The following LRP1B variants were observed in gnomAD, a reference collection of about 807,000 sequenced individuals.
The protein encoded by LRP1B is LDL receptor related protein 1B.
LRP1B carries 217 observed loss-of-function variants against 556.6 expected under a neutral mutation model. The ratio of observed to expected loss-of-function variants is 0.39; its 90% CI spans 0.35 to 0.44. LRP1B has a LOEUF of 0.44. LRP1B is among the 20% of genes least tolerant of loss of function. The pLI, the probability that LRP1B is intolerant of heterozygous loss-of-function variation, is 1.00. For synonymous variants in LRP1B, 2,047 were observed against 1,865.8 expected, an observed-to-expected ratio of 1.10 and a Z score of -2.50; for missense variants, 5,053 against 5,620.8, an observed-to-expected ratio of 0.90 and a Z score of 3.23.
intron 59 of LRP1B, among the ~76,000 whole-genome samples, chr2:140,478,144 C>CTTTTTTTTTTTTTTTT (rs35948232): frequency 1.6e-5 from 1 of 62,780 alleles, no homozygotes; most frequent in African/African-American, 5.7e-5. Context: ...TATAACTTAA[C>CTTTTTTTTTTTTTTTT]TTTTTTTTTT....
At chr2:141,091,275 T>A (rs1700165101) in intron 7 of LRP1B, among the ~76,000 whole-genome samples, 1 of 152,098 alleles carries the variant, frequency 6.6e-6, no homozygotes, top group Non-Finnish European at 1.5e-5. Flanking sequence ...AGGTTTTGAG[T>A]AGAGAAGTGA....
intron 63 of LRP1B, among the ~76,000 whole-genome samples, chr2:140,449,467 A>G (rs78527398): frequency 0.015 from 2,343 of 152,254 alleles, 28 homozygotes; most frequent in Middle Eastern, 0.065. Flanking sequence ...GTTGTCTATC[A>G]TAGTAAAAAA....
At chr2:141,333,172 T>G (rs569941940) in intron 3 of LRP1B, among the ~76,000 whole-genome samples, 1 of 152,270 alleles carries the variant, frequency 6.6e-6, no homozygotes, top group African/African-American at 2.4e-5. Context: ...CACAAATGAC[T>G]TTAAGAGCAG....
chr2:141,324,734 CTGTA>C (rs1687374707), intron 3 of LRP1B, among the ~76,000 whole-genome samples: 1 of 152,016 alleles, frequency 6.6e-6, no homozygotes, highest in African/African-American at 2.4e-5. Flanking sequence ...TTAAGAAAGT[CTGTA>C]TAAGGAAATC....
chr2:141,417,944 CATT>C (rs1190541244), intron 3 of LRP1B, among the ~76,000 whole-genome samples: 1 of 151,982 alleles, frequency 6.6e-6, no homozygotes, highest in Non-Finnish European at 1.5e-5. Context: ...GGTAATACAT[CATT>C]GTGGTTTTGA....
intron 9 of LRP1B, 141 bp from the exon 10 acceptor site, chr2:141,055,400 A>G (rs919016075): frequency 1.5e-5 from 11 of 721,818 alleles, no homozygotes; most frequent in Admixed American, 9.6e-5. Flanking sequence ...TAGCACCATA[A>G]TCGAATGCAA....
chr2:140,294,912 C>T (rs1447643165), intron 84 of LRP1B, among the ~76,000 whole-genome samples: 1 of 152,054 alleles, frequency 6.6e-6, no homozygotes, highest in Admixed American at 6.5e-5. Flanking sequence ...GAGTCTTGGT[C>T]TGTCGCCAGG....
intron 7 of LRP1B, among the ~76,000 whole-genome samples, chr2:141,122,182 T>C (rs139530422): frequency 1.9e-3 from 290 of 152,224 alleles, no homozygotes; most frequent in African/African-American, 6.7e-3. Context: ...ATTCAGGACA[T>C]AGGCATGGGC....
At chr2:140,702,371 G>A (rs963272321) in intron 38 of LRP1B, 56 bp downstream of exon 38, 1 of 1,607,180 alleles carries the variant, frequency 6.2e-7, no homozygotes, top group Non-Finnish European at 8.5e-7. Flanking sequence ...CTAAAAGTAG[G>A]TAAATTAAAG....
At position 140,260,536 on chromosome 2, in the gene LRP1B, C is replaced by T. The variant is rs77324282; in HGVS notation, c.13247+9706G>A. On this transcript the variant is annotated intron_variant, in intron 86 of 90. Transcript: ENST00000389484. ...GTGTATATATTAATATATGTATATG[C>T]GTGCATATATACCTTTTATAAGATT... Among the ~76,000 whole-genome samples, 1,498 of 151,582 alleles carry T rather than the reference C, an allele frequency of 9.9e-3. 63 individuals carry two copies. The East Asian group carries it at 0.13, about 14-fold the overall frequency.
intron 4 of LRP1B, among the ~76,000 whole-genome samples, chr2:141,251,476 G>A (rs983047271): frequency 6.6e-6 from 1 of 152,092 alleles, no homozygotes; most frequent in East Asian, 1.9e-4. Flanking sequence ...GATATTTGTT[G>A]TGAGTATTTC....
chr2:141,431,235 A>AATTC (rs113275633), intron 3 of LRP1B, among the ~76,000 whole-genome samples: 1 of 151,602 alleles, frequency 6.6e-6, no homozygotes, highest in Non-Finnish European at 1.5e-5. Context: ...GTTCAAGAGA[A>AATTC]AGTCAGAGAG....
intron 49 of LRP1B, among the ~76,000 whole-genome samples, chr2:140,518,865 G>T (rs13406810): frequency 2.0e-5 from 3 of 152,146 alleles, no homozygotes; most frequent in Admixed American, 6.6e-5. Context: ...ATACAATCAC[G>T]TCATCTGCAA....
intron 84 of LRP1B, among the ~76,000 whole-genome samples, chr2:140,277,242 A>G (rs1438814175): frequency 2.0e-5 from 3 of 152,136 alleles, no homozygotes; most frequent in East Asian, 3.9e-4. Flanking sequence ...ACTTATCTGC[A>G]GTATGCTAAT....
At chr2:141,363,596 G>T (rs1177544779) in intron 3 of LRP1B, among the ~76,000 whole-genome samples, 1 of 151,942 alleles carries the variant, frequency 6.6e-6, no homozygotes, top group Non-Finnish European at 1.5e-5. Flanking sequence ...TATTCAAAAG[G>T]AAATATCATT....
chr2:140,312,733 G>A (rs972266765), intron 83 of LRP1B, among the ~76,000 whole-genome samples: 14 of 151,668 alleles, frequency 9.2e-5, no homozygotes, highest in Non-Finnish European at 1.9e-4. Context: ...TTCATTTTTA[G>A]TATCTTTTTG....
At chr2:140,481,610 T>TTATC (rs1688248781) in intron 59 of LRP1B, among the ~76,000 whole-genome samples, 1 of 147,698 alleles carries the variant, frequency 6.8e-6, no homozygotes, top group Non-Finnish European at 1.5e-5. Context: ...TTATTATTAT[T>TTATC]ATTATTATTA....
chr2:141,434,479 G>T (rs1223939127), intron 3 of LRP1B, among the ~76,000 whole-genome samples: 2 of 151,814 alleles, frequency 1.3e-5, no homozygotes, highest in African/African-American at 4.8e-5. Flanking sequence ...TTTATTTGAG[G>T]AAGTATTGTC....
chr2:140,318,373 G>A (rs1044084222), intron 82 of LRP1B, among the ~76,000 whole-genome samples: 3 of 152,054 alleles, frequency 2.0e-5, no homozygotes, highest in African/African-American at 7.2e-5. Context: ...CTGAAATCAT[G>A]CCTTTTAAGC....
Sources: allele counts gnomAD v4.1 joint callset (sites outside exome capture counted in the v4.1 genomes callset), GRCh38; gene constraint gnomAD v4.1.1; transcripts MANE v1.5; gene names NCBI Gene and HGNC (gene_info 2026-07-23, HGNC 2026-07-21).